Variants in GALNT11 observed in about 807,000 individuals in gnomAD.
The protein encoded by GALNT11 is polypeptide N-acetylgalactosaminyltransferase 11.
Under a neutral mutation model 72.7 loss-of-function variants are expected in GALNT11, and 47 were observed. That is an observed-to-expected ratio of 0.65 (90% CI 0.51 to 0.82). GALNT11 has a LOEUF of 0.82. GALNT11 is among the 40% of genes least tolerant of loss of function. The pLI, the probability that GALNT11 is intolerant of heterozygous loss-of-function variation, is 0.00. For missense variants in GALNT11, 677 were observed against 778.4 expected (o/e 0.87, Z 1.55); for synonymous variants, 270 against 286.6 (o/e 0.94, Z 0.58).
chr7:152,117,435 G>C (rs778734294), intron 9 of GALNT11, 60 bp downstream of exon 9: 1 of 1,533,622 alleles, frequency 6.5e-7, no homozygotes, highest in South Asian at 1.1e-5. Context: ...AAAGTTTTGA[G>C]GTGTCCATAA....
chr7:152,084,749 T>C (rs2085537251), intron 1 of GALNT11, among the ~76,000 whole-genome samples: 1 of 152,206 alleles, frequency 6.6e-6, no homozygotes, highest in African/African-American at 2.4e-5. Context: ...TCAAAAATTA[T>C]ACAAACAAGT....
intron 1 of GALNT11, among the ~76,000 whole-genome samples, chr7:152,063,712 A>T (rs1041929459): frequency 6.6e-6 from 1 of 152,092 alleles, no homozygotes; most frequent in African/African-American, 2.4e-5. Context: ...CCTTCATTTC[A>T]TTATGTACCC....
intron 7 of GALNT11, 32 bp from the exon 8 acceptor site, chr7:152,113,214 A>G (rs1286279836): frequency 1.9e-6 from 3 of 1,572,442 alleles, no homozygotes; most frequent in Non-Finnish European, 1.7e-6. Flanking sequence ...AACATGAGGC[A>G]ACTGTTAACA....
At chr7:152,099,585 A>G (rs2086666087) in intron 2 of GALNT11, among the ~76,000 whole-genome samples, 1 of 112,700 alleles carries the variant, frequency 8.9e-6, no homozygotes, top group Admixed American at 1.3e-4. Flanking sequence ...ATGGGGTTTC[A>G]CCGTGTTGGC....
chr7:152,094,552 A>G lies in GALNT11; in HGVS notation c.295+30A>G. On this transcript the variant is annotated intron_variant, in intron 2 of 11. Coordinates refer to ENST00000430044, the MANE Select transcript of GALNT11 (RefSeq NM_022087.4). The surrounding 1 kb of genome is among the most constrained non-coding windows in gnomAD (Gnocchi z 4.3). ...GTATATGATGTTTACCAGCATCCAT[A>G]TCAATGTATTTAATCACTGGAAGTT... The G allele has an allele frequency of 6.5e-7, 1 of 1,550,340 alleles. No individual in the cohort carries two copies.
chr7:152,063,052 C>T (rs1455518416), intron 1 of GALNT11, among the ~76,000 whole-genome samples: 1 of 152,198 alleles, frequency 6.6e-6, no homozygotes, highest in Non-Finnish European at 1.5e-5. Flanking sequence ...ACCAGCTCCT[C>T]CTTGTACTTC....
At chr7:152,054,742 C>G (rs940949490) in intron 1 of GALNT11, among the ~76,000 whole-genome samples, 2 of 151,552 alleles carry the variant, frequency 1.3e-5, no homozygotes, top group African/African-American at 4.9e-5. Context: ...TGGTCTTGAA[C>G]TCCTGGGCTC....
At chr7:152,062,187 C>T (rs1455058427) in intron 1 of GALNT11, among the ~76,000 whole-genome samples, 2 of 152,196 alleles carry the variant, frequency 1.3e-5, no homozygotes, top group African/African-American at 4.8e-5. Context: ...AGAGATCCTT[C>T]ACATCCCTTG....
intron 5 of GALNT11, among the ~76,000 whole-genome samples, chr7:152,106,358 C>T (rs1456083218): frequency 6.6e-6 from 1 of 152,234 alleles, no homozygotes; most frequent in African/African-American, 2.4e-5. Flanking sequence ...TGTGGAGCCA[C>T]TGGCTCGTGT....
intron 1 of GALNT11, among the ~76,000 whole-genome samples, chr7:152,052,376 A>G (rs1283411879): frequency 6.6e-6 from 1 of 152,098 alleles, no homozygotes; most frequent in Non-Finnish European, 1.5e-5. Context: ...TCAAAAGTAT[A>G]TTGTATATGT....
intron 1 of GALNT11, among the ~76,000 whole-genome samples, chr7:152,039,455 C>T (rs539835975): frequency 1.7e-4 from 26 of 152,264 alleles, no homozygotes; most frequent in Non-Finnish European, 3.2e-4. Flanking sequence ...TAATTGTTCT[C>T]TGTGTCAGCC....
intron 1 of GALNT11, among the ~76,000 whole-genome samples, chr7:152,027,992 T>A (rs1298391180): frequency 6.6e-6 from 1 of 152,028 alleles, no homozygotes; most frequent in Non-Finnish European, 1.5e-5. Flanking sequence ...ATGTCGAGAG[T>A]TGTTTGTTCC....
At chr7:152,090,776 C>T (rs10227223) in intron 1 of GALNT11, among the ~76,000 whole-genome samples, 1,972 of 152,216 alleles carry the variant, frequency 0.013, 40 homozygotes, top group African/African-American at 0.045. Flanking sequence ...TGAAGCTTCA[C>T]ACACCTTCTT....
intron 1 of GALNT11, among the ~76,000 whole-genome samples, chr7:152,032,708 C>T (rs1249431858): frequency 6.6e-6 from 1 of 152,156 alleles, no homozygotes; most frequent in Non-Finnish European, 1.5e-5. Context: ...TCCAAATTGT[C>T]CTTCCAATGC....
At position 152,116,180 on chromosome 7, in the gene GALNT11, C is replaced by A. The variant is rs536873306; in HGVS notation, c.1234-977C>A. Among the ~76,000 whole-genome samples, 10 of 152,268 alleles carry A rather than the reference C, an allele frequency of 6.6e-5. No homozygotes were observed. The East Asian group carries it at 1.9e-3, about 29-fold the overall frequency. On this transcript the variant is annotated intron_variant, in intron 8 of 11. Coordinates refer to ENST00000430044, the MANE Select transcript of GALNT11 (RefSeq NM_022087.4). ...GAGTAGTATTTTCCAAATGACTAAT[C>A]CACACTGTTACAAAAACGGGTGGAA...
At chr7:152,077,529 A>G (rs2085058302) in intron 1 of GALNT11, among the ~76,000 whole-genome samples, 1 of 152,066 alleles carries the variant, frequency 6.6e-6, no homozygotes, top group African/African-American at 2.4e-5. Context: ...CATCCAGAAC[A>G]CTCATGGGCT....
At chr7:152,053,639 T>G (rs1011952060) in intron 1 of GALNT11, among the ~76,000 whole-genome samples, 4 of 152,206 alleles carry the variant, frequency 2.6e-5, no homozygotes, top group Non-Finnish European at 5.9e-5. Flanking sequence ...GAGAAAAAGA[T>G]TACCGACCAA....
At chr7:152,111,758 C>T (rs527318519) in intron 7 of GALNT11, among the ~76,000 whole-genome samples, 1 of 152,068 alleles carries the variant, frequency 6.6e-6, no homozygotes, top group South Asian at 2.1e-4. Context: ...TTTATTGATA[C>T]TACCAGATAC....
intron 1 of GALNT11, among the ~76,000 whole-genome samples, chr7:152,038,085 C>A (rs962908290): frequency 2.6e-5 from 4 of 152,068 alleles, no homozygotes; most frequent in Non-Finnish European, 5.9e-5. Flanking sequence ...TCTTCAATTT[C>A]TTTTATCAGT....
Sources: gnomAD v4.1 joint callset for allele counts (sites outside exome capture counted in the v4.1 genomes callset) on GRCh38, gnomAD v4.1.1 for gene constraint, Gnocchi (gnomAD v3.1) non-coding constraint, MANE v1.5 for transcripts, NCBI Gene and HGNC (gene_info 2026-07-23, HGNC 2026-07-21) for gene names.